Variants in CTNNA3 observed in about 807,000 individuals in gnomAD.
The protein encoded by CTNNA3 is catenin alpha-3.
A neutral mutation model predicts 95.7 loss-of-function variants in CTNNA3; 76 were observed. That is an observed-to-expected ratio of 0.79 (90% CI 0.66 to 0.96). The LOEUF is 0.96. CTNNA3 is among the 40% of genes least tolerant of loss of function. The pLI is 0.00. For missense variants in CTNNA3, 1,191 were observed against 1,089.8 expected, an observed-to-expected ratio of 1.09 and a Z score of -1.31; for synonymous variants, 431 against 374.4, an observed-to-expected ratio of 1.15 and a Z score of -1.74.
At chr10:67,313,122 A>C (rs926607550) in intron 5 of CTNNA3, among the ~76,000 whole-genome samples, 4 of 152,130 alleles carry the variant, frequency 2.6e-5, no homozygotes, top group Admixed American at 2.0e-4. Flanking sequence ...TAAACTACTA[A>C]TAACTGTGGC....
At chr10:66,552,065 G>C (rs1019184613) in intron 10 of CTNNA3, among the ~76,000 whole-genome samples, 1 of 151,668 alleles carries the variant, frequency 6.6e-6, no homozygotes, top group African/African-American at 2.4e-5. Flanking sequence ...CACCACGCCC[G>C]GCTAATTTTT....
chr10:66,575,250 C>T (rs1300232535), intron 10 of CTNNA3, among the ~76,000 whole-genome samples: 2 of 152,010 alleles, frequency 1.3e-5, no homozygotes, highest in Non-Finnish European at 2.9e-5. Context: ...CTACTATTTC[C>T]TTTATTTAAC....
chr10:66,177,656 C>T (rs563111444), intron 13 of CTNNA3, among the ~76,000 whole-genome samples: 26 of 152,086 alleles, frequency 1.7e-4, no homozygotes, highest in African/African-American at 6.3e-4. Flanking sequence ...TTATACTAAA[C>T]ATACCAAAAC....
chr10:67,317,842 C>T (rs953802235), intron 5 of CTNNA3, among the ~76,000 whole-genome samples: 6 of 152,096 alleles, frequency 3.9e-5, no homozygotes, highest in Non-Finnish European at 8.8e-5. Context: ...TGCAGAGTTG[C>T]CAATGAGAGA....
chr10:66,969,392 A>G (rs1430513679), intron 7 of CTNNA3, among the ~76,000 whole-genome samples: 1 of 152,208 alleles, frequency 6.6e-6, no homozygotes, highest in Non-Finnish European at 1.5e-5. Flanking sequence ...TGAATGTGCA[A>G]TAATTGAATT....
chr10:66,621,384 G>A (rs527933014), intron 10 of CTNNA3, among the ~76,000 whole-genome samples: 2 of 152,086 alleles, frequency 1.3e-5, no homozygotes, highest in African/African-American at 2.4e-5. Context: ...AACAGTTTGG[G>A]AGGCCGAGGT....
chr10:66,015,101 C>T (rs1474056939), intron 15 of CTNNA3, among the ~76,000 whole-genome samples: 2 of 122,030 alleles, frequency 1.6e-5, no homozygotes, highest in Non-Finnish European at 3.5e-5. Flanking sequence ...GACTCTGTCT[C>T]AAAAAATAAT....
intron 9 of CTNNA3, among the ~76,000 whole-genome samples, chr10:66,673,614 T>C (rs575278483): frequency 1.3e-5 from 2 of 152,162 alleles, no homozygotes; most frequent in South Asian, 4.1e-4. Flanking sequence ...TATTTAAGCT[T>C]CCAATTTATG....
At chr10:66,700,309 T>C (rs553394251) in intron 9 of CTNNA3, among the ~76,000 whole-genome samples, 8 of 152,296 alleles carry the variant, frequency 5.3e-5, no homozygotes, top group African/African-American at 1.9e-4. Context: ...TTAATTTTTA[T>C]ATATGGTGTA....
chr10:67,433,922 G>A (rs1169953660), intron 5 of CTNNA3, among the ~76,000 whole-genome samples: 3 of 151,904 alleles, frequency 2.0e-5, no homozygotes, highest in Non-Finnish European at 4.4e-5. Context: ...TAAGTACTAG[G>A]CAGTCAGAAC....
At chr10:66,959,337 C>A (rs371806250) in intron 7 of CTNNA3, among the ~76,000 whole-genome samples, 18 of 152,180 alleles carry the variant, frequency 1.2e-4, no homozygotes, top group African/African-American at 4.3e-4. Flanking sequence ...GAAACCAAGA[C>A]AGGATTTCTA....
intron 13 of CTNNA3, among the ~76,000 whole-genome samples, chr10:66,263,553 A>G (rs2091069304): frequency 6.6e-6 from 1 of 152,002 alleles, no homozygotes; most frequent in Non-Finnish European, 1.5e-5. Flanking sequence ...TTGTAAGGAC[A>G]ACATAAAGTA....
At chr10:66,617,303 G>C (rs2605504) in intron 10 of CTNNA3, among the ~76,000 whole-genome samples, 114,381 of 151,884 alleles carry the variant, frequency 0.75, 44,022 homozygotes, top group African/African-American at 0.89. Context: ...TCCTCATAAA[G>C]TGAACATAAA....
chr10:66,601,492 C>A lies in CTNNA3; in HGVS notation c.1374+20200G>T, dbSNP rs375052593. ...ATTTGACTCTCAAGTTCTCCAAAAC[C>A]AGTTCATTCTTTCTATGGAGCAATT... On this transcript the variant is annotated intron_variant, in intron 10 of 17. Transcript: ENST00000433211. Among the ~76,000 whole-genome samples the A allele has an allele frequency of 2.6e-5, 4 of 151,736 alleles. 1 individual carries two copies. The South Asian group carries it at 8.3e-4, about 31-fold the overall frequency.
At position 66,081,689 on chromosome 10, in the gene CTNNA3, T is replaced by C. The variant is rs182196062; in HGVS notation, c.1978-12200A>G. On this transcript the variant is annotated intron_variant, in intron 14 of 17. Coordinates refer to ENST00000433211, the MANE Select transcript of CTNNA3 (RefSeq NM_013266.4). ...TCCTTAAAACTCCAACTAATAAATA[T>C]AGAAGAAGTGAGCAAAGTAGAAAAT... Among the ~76,000 whole-genome samples, 18 of 152,184 alleles carry C rather than the reference T, an allele frequency of 1.2e-4. No individual in the cohort carries two copies. In the East Asian group the frequency reaches 3.5e-3, roughly 29 times the overall value.
At chr10:66,709,357 T>G (rs1848218506) in intron 9 of CTNNA3, among the ~76,000 whole-genome samples, 1 of 152,122 alleles carries the variant, frequency 6.6e-6, no homozygotes, top group Middle Eastern at 3.4e-3. Flanking sequence ...AAGTATTGAT[T>G]CAGTAGCAAC....
At chr10:67,748,644 A>G (rs1352209190) in intron 1 of CTNNA3, among the ~76,000 whole-genome samples, 3 of 152,248 alleles carry the variant, frequency 2.0e-5, no homozygotes, top group Non-Finnish European at 2.9e-5. Flanking sequence ...AGCCACTGCA[A>G]AAACACACTG....
chr10:67,735,944 T>C (rs1277382815), intron 1 of CTNNA3, among the ~76,000 whole-genome samples: 2 of 152,308 alleles, frequency 1.3e-5, no homozygotes, highest in Non-Finnish European at 2.9e-5. Context: ...TACTCATGCA[T>C]TGAATTATTA....
intron 13 of CTNNA3, among the ~76,000 whole-genome samples, chr10:66,264,458 G>A (rs373937774): frequency 1.3e-5 from 2 of 151,930 alleles, no homozygotes; most frequent in Non-Finnish European, 2.9e-5. Flanking sequence ...TAACTTGCTA[G>A]TAGTCATATT....
Sources: allele counts gnomAD v4.1 joint callset (sites outside exome capture counted in the v4.1 genomes callset), GRCh38; gene constraint gnomAD v4.1.1; transcripts MANE v1.5; gene names NCBI Gene and HGNC (gene_info 2026-07-23, HGNC 2026-07-21).